ASB6: variants seen among roughly 807,000 people sequenced by gnomAD.
The protein encoded by ASB6 is ankyrin repeat and SOCS box containing 6, also known as ankyrin repeat and SOCS box protein 6.
Under a neutral mutation model 28.6 loss-of-function variants are expected in ASB6, and 24 were observed. That is an observed-to-expected ratio of 0.84 (90% CI 0.61 to 1.18). The LOEUF is 1.18. Among genes scored for constraint, ASB6 ranks in the 50% most tolerant of loss-of-function variants. ASB6 has a pLI of 0.00. For missense variants in ASB6, 519 were observed against 559.8 expected, an observed-to-expected ratio of 0.93 and a Z score of 0.74; for synonymous variants, 267 against 243.4, an observed-to-expected ratio of 1.10 and a Z score of -0.90.
Position 129,637,555 on chromosome 9 carries a change from G to C in ASB6, c.*235C>G, listed in dbSNP as rs1831585897. ...CAAGCCCTGTTCCTCTTTCCAACAT[G>C]GGGGGGACTTGGAGTGCCGCTGGAG... On this transcript the variant is annotated 3_prime_UTR_variant, in exon 6 of 6. Transcript: ENST00000277458. 2.6e-6 allele frequency: 1 copy of C among 390,772 alleles called. No individual in the cohort carries two copies. The allele number at this position is 390,772 out of a possible 1,614,324, so 24.2% of individuals were successfully genotyped here.
Position 129,638,149 on chromosome 9 carries a change from T to C in ASB6, c.907A>G (p.Ile303Val). The change falls in exon 6 of 6, where the codon ATC becomes GTC. Residue 303 changes from isoleucine to valine, a missense_variant. Transcript: ENST00000277458. Reference sequence around the variant, plus strand: ...GGGTGGGAACAGAGCCTCTCAAAGATGATGTGAAAGCCAGACCAGCAGGAC... The same window carrying C: ...GGGTGGGAACAGAGCCTCTCAAAGACGATGTGAAAGCCAGACCAGCAGGAC... The part of the protein sequence containing the change: ...GASCWSGFHI[I>V]FERLCSHPGC... The C allele has an allele frequency of 2.5e-6, 4 of 1,613,904 alleles. No individual in the cohort carries two copies. The highest frequency in any genetic ancestry group is 3.4e-6 in the Non-Finnish European group (4 of 1,179,958).
chr9:129,639,363 C>T (rs138255998), intron 3 of ASB6, 39 bp downstream of exon 3: 8 of 1,601,776 alleles, frequency 5.0e-6, no homozygotes, highest in East Asian at 4.5e-5. Flanking sequence ...CAGGCCCCTG[C>T]CCAACCCTGC....
chr9:129,638,556 G>A lies in ASB6; in HGVS notation c.598+17C>T. The A allele has an allele frequency of 5.0e-6, 8 of 1,613,726 alleles. No individual in the cohort carries two copies. The highest frequency in any genetic ancestry group is 6.8e-6 in the Non-Finnish European group (8 of 1,179,750). On this transcript the variant is annotated intron_variant, in intron 5 of 5. Transcript: ENST00000277458. ...GGGCGGGTGAGAGGACGAGGCCTAG[G>A]AGCGCGCCAGCCTCACCTCCTTCCA...
In ASB6 at chr9:129,634,736, C is replaced by T. The variant is rs1831419925; in HGVS notation, c.*3054G>A. 4.5e-6 allele frequency: 1 copy of T among 220,248 alleles called. No homozygotes were observed. Among genetic ancestry groups the T allele is most frequent in the Non-Finnish European group, 9.0e-6 (1 of 110,864 alleles). 13.6% of individuals were successfully genotyped at this position (220,248 alleles called of 1,614,324 possible). A position where few individuals can be genotyped will look rare whatever the true frequency, so the allele number is the denominator to read the frequency against. ...TGCTGACGTGGCGGCAGGCCGCTAG[C>T]AGCAGTCGGCCACCTCCTGAGGCGG... On this transcript the variant is annotated 3_prime_UTR_variant, in exon 6 of 6. Coordinates refer to ENST00000277458, the MANE Select transcript of ASB6 (RefSeq NM_017873.4).
chr9:129,635,754 G>C lies in ASB6; in HGVS notation c.*2036C>G, dbSNP rs774392110. ...CCTGGTGCTCCCCATGTGGGAATAG[G>C]GTGGCCACATCAGTAACCGATTCCC... On this transcript the variant is annotated 3_prime_UTR_variant, in exon 6 of 6. Coordinates refer to ENST00000277458, the MANE Select transcript of ASB6 (RefSeq NM_017873.4). The C allele has an allele frequency of 1.1e-4, 39 of 356,878 alleles. No individual in the cohort carries two copies. Among genetic ancestry groups the C allele is most frequent in the Non-Finnish European group, 6.2e-5 (12 of 194,304 alleles). The allele number at this position is 356,878 out of a possible 1,614,324, so 22.1% of individuals were successfully genotyped here. A position where few individuals can be genotyped will look rare whatever the true frequency, so the allele number is the denominator to read the frequency against.
chr9:129,635,190 T>C lies in ASB6; in HGVS notation c.*2600A>G. 1.3e-6 allele frequency: 2 copies of C among 1,598,732 alleles called. No individual in the cohort carries two copies. The highest frequency in any genetic ancestry group is 2.2e-5 in the East Asian group (1 of 44,678). On this transcript the variant is annotated 3_prime_UTR_variant, in exon 6 of 6. Transcript: ENST00000277458. Reference sequence around the variant, plus strand: ...CGCTTGCATGGTGCCCTGGTAACCTTGCCTCTGCCCTCCCCAGGCCACCTC... The same window carrying C: ...CGCTTGCATGGTGCCCTGGTAACCTCGCCTCTGCCCTCCCCAGGCCACCTC...
intron 5 of ASB6, 35 bp from the exon 6 acceptor site, chr9:129,638,492 A>C (rs1279025820): frequency 2.2e-5 from 35 of 1,608,040 alleles, no homozygotes; most frequent in Middle Eastern, 1.6e-4. Context: ...TGCTGGGAGA[A>C]GGCCTTCAAC....
chr9:129,638,733 A>G, intron 4 of ASB6, 74 bp from the exon 5 acceptor site: 1 of 1,192,898 alleles, frequency 8.4e-7, no homozygotes, highest in Non-Finnish European at 1.2e-6. Context: ...AGGAGGTGGC[A>G]GAAATCCAGA....
intron 2 of ASB6, 121 bp from the exon 3 acceptor site, chr9:129,639,629 T>C: frequency 1.2e-6 from 1 of 851,922 alleles, no homozygotes; most frequent in Non-Finnish European, 1.8e-6. Context: ...CCCAGCCTCC[T>C]GTCACCATCA....
rs1831534872 is a variant in ASB6 at position 129,636,047 on chromosome 9, CT to C, written c.*1742del. ...AAGGGAAGTTCCCCGTAGCCTCAGT[CT>C]TCTCTGGGCTTGAGGCTGCTCCTTG... is the stretch of plus-strand genomic sequence containing the variant. On this transcript the variant is annotated 3_prime_UTR_variant, in exon 6 of 6. Transcript: ENST00000277458. 1.3e-5 allele frequency: 2 copies of C among 152,518 alleles called. No individual in the cohort carries two copies. Among genetic ancestry groups the C allele is most frequent in the Non-Finnish European group, 2.9e-5 (2 of 68,286 alleles). 9.4% of individuals were successfully genotyped at this position (152,518 alleles called of 1,614,324 possible).
rs775345990 is a variant in ASB6, at chr9:129,640,767, G to A, written c.114-45C>T. The A allele has an allele frequency of 2.3e-5, 37 of 1,608,298 alleles. No homozygotes were observed. The East Asian group carries it at 6.3e-4, about 27-fold the overall frequency. On this transcript the variant is annotated intron_variant, in intron 1 of 5. Coordinates refer to ENST00000277458, the MANE Select transcript of ASB6 (RefSeq NM_017873.4). ...GAGGGTAGGCACAGCTGTGGGACCG[G>A]GTGACCGCGCAGCCTGTGGGTTGGT...
chr9:129,638,215 G>A lies in ASB6; in HGVS notation c.841C>T (p.Leu281=), dbSNP rs772272748. 6 of 1,613,572 alleles carry A rather than the reference G, an allele frequency of 3.7e-6. No homozygotes were observed. In the South Asian group the frequency reaches 6.6e-5, roughly 18 times the overall value. ...CAGTTGTAGGCGGCTCCGGACTCCA[G>A]GAGGAAGCGCAGGAGAGGGAAGTGC... The part of the protein sequence containing the change: ...KLHFPLLRFL[L]ESGAAYNCSL... Residue 281 remains leucine, a synonymous_variant, in exon 6 of 6, where the codon CTG becomes TTG. Coordinates refer to ENST00000277458, the MANE Select transcript of ASB6 (RefSeq NM_017873.4).
intron 4 of ASB6, among the ~76,000 whole-genome samples, chr9:129,638,866 G>A (rs919286759): frequency 6.6e-6 from 1 of 152,238 alleles, no homozygotes; most frequent in Admixed American, 6.5e-5. Flanking sequence ...GGCCAGGAAA[G>A]GTAGGATTTT....
At chr9:129,640,833 G>A in intron 1 of ASB6, 111 bp from the exon 2 acceptor site, 2 of 1,320,648 alleles carry the variant, frequency 1.5e-6, no homozygotes, top group East Asian at 5.0e-5. Context: ...GCAGGGCCCT[G>A]GCTCTGTGGG....
At chr9:129,639,946 G>A (rs543930476) in intron 2 of ASB6, among the ~76,000 whole-genome samples, 1 of 152,144 alleles carries the variant, frequency 6.6e-6, no homozygotes, top group Non-Finnish European at 1.5e-5. Context: ...GCCCGTCTTC[G>A]GATGGGGAAA....
Position 129,635,356 on chromosome 9 carries a change from C to T in ASB6, c.*2434G>A, listed in dbSNP as rs753986887. 4 of 1,613,842 alleles carry T rather than the reference C, an allele frequency of 2.5e-6. No homozygotes were observed. Among genetic ancestry groups the T allele is most frequent in the African/African-American group, 1.3e-5 (1 of 75,052 alleles). On this transcript the variant is annotated 3_prime_UTR_variant, in exon 6 of 6. Coordinates refer to ENST00000277458, the MANE Select transcript of ASB6 (RefSeq NM_017873.4). ...ACAGCAGCGTGTGCCGGGACCTTGACGTGGTCCGCAGGATCATCTGCAGTG... is the reference window on the plus strand; with the variant it reads ...ACAGCAGCGTGTGCCGGGACCTTGATGTGGTCCGCAGGATCATCTGCAGTG...
chr9:129,637,754 C>T lies in ASB6; in HGVS notation c.*36G>A. The T allele has an allele frequency of 6.7e-7, 1 of 1,483,024 alleles. No individual in the cohort carries two copies. The allele number at this position is 1,483,024 out of a possible 1,614,324, so 91.9% of individuals were successfully genotyped here. ...GCATCTACCAACAGGCTGACCTGAG[C>T]TGCCCGTGTCCCCCGTTCCTGTAGC... is the stretch of plus-strand genomic sequence containing the variant. On this transcript the variant is annotated 3_prime_UTR_variant, in exon 6 of 6. Transcript: ENST00000277458.
chr9:129,641,899 T>C lies in ASB6; in HGVS notation c.101A>G (p.Glu34Gly). 1 of 1,598,250 alleles carries C rather than the reference T, an allele frequency of 6.3e-7. No homozygotes were observed. The highest frequency in any genetic ancestry group is 1.4e-5 in the African/African-American group (1 of 73,078). The change falls in exon 1 of 6, where the codon GAG (glutamate) becomes GGG (glycine). Residue 34 changes from glutamate to glycine, a missense_variant. Glu to Gly is a moderately conservative substitution (Grantham distance 98). Transcript: ENST00000277458. ...GGGGGTGAGTTACCGGTCCAGAGAC[T>C]CCTGCCGCTCGGGGTCCTGGATCCC... ...SLGIQDPERQ[E>G]SLDRPSYVAS...
Position 129,635,397 on chromosome 9 carries a change from T to G in ASB6, c.*2393A>C. On this transcript the variant is annotated 3_prime_UTR_variant, in exon 6 of 6. Transcript: ENST00000277458. ...ATCTGCAGTGCAGGCCTCAGCCTCC[T>G]GGCCGAGGAGAGGCAGGAGAACCTC... The G allele has an allele frequency of 6.2e-7, 1 of 1,613,576 alleles. No homozygotes were observed. Among genetic ancestry groups the G allele is most frequent in the African/African-American group, 1.3e-5 (1 of 75,058 alleles).
Sources: allele counts gnomAD v4.1 joint callset (sites outside exome capture counted in the v4.1 genomes callset), GRCh38; gene constraint gnomAD v4.1.1; transcripts MANE v1.5; gene names NCBI Gene and HGNC (gene_info 2026-07-23, HGNC 2026-07-21).